Variants in ZMAT5 observed in about 807,000 individuals in gnomAD.
ZMAT5 encodes the protein zinc finger matrin-type 5.
In ZMAT5, 23 loss-of-function variants were observed where a neutral mutation model predicts 28.0. That is an observed-to-expected ratio of 0.82 (90% CI 0.59 to 1.16). The LOEUF is 1.16. Ranked by LOEUF, ZMAT5 falls within the 50% of genes most tolerant of loss-of-function variation. The probability of loss-of-function intolerance (pLI) is 0.00; values close to 1 mark genes in which losing one functional copy is unlikely to be tolerated. For synonymous variants in ZMAT5, 76 were observed against 84.1 expected (o/e 0.90, Z 0.52); for missense variants, 173 against 212.7 (o/e 0.81, Z 1.16).
At chr22:29,737,777 G>T (rs1436079410) in intron 5 of ZMAT5, among the ~76,000 whole-genome samples, 2 of 151,950 alleles carry the variant, frequency 1.3e-5, no homozygotes, top group Non-Finnish European at 2.9e-5. Context: ...GGGACATCAC[G>T]AAGCACACAC....
Position 29,743,170 on chromosome 22 carries a change from A to C in ZMAT5, c.128-690T>G, listed in dbSNP as rs144333169. 2.1e-4 allele frequency among the ~76,000 whole-genome samples: 32 copies of C among 152,282 alleles called. No individual in the cohort carries two copies. In the East Asian group the frequency reaches 6.0e-3, roughly 28 times the overall value. On this transcript the variant is annotated intron_variant, in intron 2 of 5. Transcript: ENST00000344318. The stretch of plus-strand genomic sequence containing the variant: ...TATCTTTGCAACTTGCTGTGAATCT[A>C]TAATTATTTCAAAATAAAATGCTAA...
chr22:29,743,380 G>A (rs1016933698), intron 2 of ZMAT5, among the ~76,000 whole-genome samples: 7 of 151,954 alleles, frequency 4.6e-5, no homozygotes, highest in African/African-American at 9.7e-5. Context: ...CTGTAGCATC[G>A]GCAATCACTC....
intron 1 of ZMAT5, among the ~76,000 whole-genome samples, chr22:29,766,348 C>G (rs750933766): frequency 1.8e-4 from 28 of 152,166 alleles, no homozygotes; most frequent in Non-Finnish European, 3.8e-4. Flanking sequence ...AAGTGTCACC[C>G]CCCAGAGCAG....
intron 3 of ZMAT5, among the ~76,000 whole-genome samples, chr22:29,741,171 T>G (rs1881411071): frequency 6.6e-6 from 1 of 152,206 alleles, no homozygotes; most frequent in Non-Finnish European, 1.5e-5. Flanking sequence ...CGGGAGCAAT[T>G]GGACTGCTCC....
At position 29,731,376 on chromosome 22, in the gene ZMAT5, G is replaced by A. The variant is rs2232904; in HGVS notation, c.384-22C>T. On this transcript the variant is annotated intron_variant, in intron 5 of 5. Coordinates refer to ENST00000344318, the MANE Select transcript of ZMAT5 (RefSeq NM_001003692.2). ...AGCCCTAGAGAGAGAGAGAGAAGCG[G>A]GGAGAATAAGAGTGCACTACAGCCC... The A allele has an allele frequency of 3.4e-3, 5,204 of 1,542,694 alleles. 165 individuals are homozygous for A. In the African/African-American group the frequency reaches 0.068, roughly 20 times the overall value.
intron 2 of ZMAT5, among the ~76,000 whole-genome samples, chr22:29,743,613 G>A (rs1341256378): frequency 1.3e-5 from 2 of 151,892 alleles, no homozygotes; most frequent in Admixed American, 1.3e-4. Flanking sequence ...TAATTTTTTT[G>A]TAGAGATGGG....
At chr22:29,755,904 T>C (rs1265165096) in intron 1 of ZMAT5, among the ~76,000 whole-genome samples, 1 of 152,214 alleles carries the variant, frequency 6.6e-6, no homozygotes, top group African/African-American at 2.4e-5. Flanking sequence ...GCACGCACAC[T>C]TGGGTCTGGC....
At chr22:29,749,407 T>G (rs1680977710) in intron 1 of ZMAT5, among the ~76,000 whole-genome samples, 2 of 152,078 alleles carry the variant, frequency 1.3e-5, no homozygotes, top group South Asian at 4.1e-4. Context: ...TTGCATCATA[T>G]AGGCCACACC....
At chr22:29,756,168 A>T (rs2147234361) in intron 1 of ZMAT5, among the ~76,000 whole-genome samples, 1 of 152,266 alleles carries the variant, frequency 6.6e-6, no homozygotes, top group East Asian at 1.9e-4. Context: ...ATTTTTTCTA[A>T]TTATGGCACC....
chr22:29,757,927 G>A (rs959955639), intron 1 of ZMAT5, among the ~76,000 whole-genome samples: 1 of 151,946 alleles, frequency 6.6e-6, no homozygotes, highest in African/African-American at 2.4e-5. Context: ...TGAGGCAGGA[G>A]AATTGTTTGA....
intron 2 of ZMAT5, chr22:29,748,052 C>G (rs976238991): frequency 1.1e-5 from 4 of 353,208 alleles, no homozygotes; most frequent in Admixed American, 7.6e-5. Context: ...CCCTGGCCTG[C>G]TCCGCCCAGC....
At chr22:29,731,791 A>C (rs998801643) in intron 5 of ZMAT5, 1 of 153,750 alleles carries the variant, frequency 6.5e-6, no homozygotes, top group South Asian at 2.0e-4. Context: ...AAAATATATA[A>C]AATATATAAA....
chr22:29,735,215 G>A lies in ZMAT5; in HGVS notation c.383+3115C>T, dbSNP rs563170627. ...AGCCTGCCCGGAGACAGTTATGGACGCCCAAGGCAGCAATGGCAAAAGCAG... is the reference window on the plus strand; with the variant it reads ...AGCCTGCCCGGAGACAGTTATGGACACCCAAGGCAGCAATGGCAAAAGCAG... On this transcript the variant is annotated intron_variant, in intron 5 of 5. Transcript: ENST00000344318. Among the ~76,000 whole-genome samples, 11 of 152,288 alleles carry A rather than the reference G, an allele frequency of 7.2e-5. No homozygotes were observed. In the South Asian group the frequency reaches 2.1e-3, roughly 29 times the overall value.
intron 4 of ZMAT5, among the ~76,000 whole-genome samples, chr22:29,739,200 G>T (rs1213698664): frequency 6.6e-6 from 1 of 152,210 alleles, no homozygotes; most frequent in Non-Finnish European, 1.5e-5. Context: ...AACAAAACCT[G>T]TTGCTCAACG....
At chr22:29,731,763 T>A (rs1307219257) in intron 5 of ZMAT5, 1 of 157,160 alleles carries the variant, frequency 6.4e-6, no homozygotes, top group East Asian at 1.9e-4. Context: ...GTATATAGCA[T>A]GATACTATTT....
chr22:29,766,667 C>T (rs1233413454), intron 1 of ZMAT5, among the ~76,000 whole-genome samples: 7 of 152,252 alleles, frequency 4.6e-5, no homozygotes, highest in African/African-American at 1.7e-4. Context: ...CAGGGCAGAT[C>T]CGTCCCTGCC....
rs2068000014 is a variant in ZMAT5 at position 29,745,339 on chromosome 22, G to A, written c.128-2859C>T. Reference sequence around the variant, plus strand: ...TATGCCCAGCAGATGCAGTGGCCAGGGTGGCTGCAGCTGGAAGGGAGAGGC... The same window carrying A: ...TATGCCCAGCAGATGCAGTGGCCAGAGTGGCTGCAGCTGGAAGGGAGAGGC... On this transcript the variant is annotated intron_variant, in intron 2 of 5. Transcript: ENST00000344318. Among the ~76,000 whole-genome samples, 2 of 152,198 alleles carry A rather than the reference G, an allele frequency of 1.3e-5. 1 individual carries two copies. The highest frequency in any genetic ancestry group is 4.1e-4 in the South Asian group (2 of 4,834).
chr22:29,763,385 CGAGGT>C, intron 1 of ZMAT5, among the ~76,000 whole-genome samples: 1 of 150,720 alleles, frequency 6.6e-6, no homozygotes, highest in Non-Finnish European at 1.5e-5. Flanking sequence ...GGGTGGATCA[CGAGGT>C]CAGAGATTCA....
At chr22:29,739,210 G>A (rs1262359568) in intron 4 of ZMAT5, among the ~76,000 whole-genome samples, 1 of 151,482 alleles carries the variant, frequency 6.6e-6, no homozygotes, top group Non-Finnish European at 1.5e-5. Flanking sequence ...GTTGCTCAAC[G>A]AATTAAAACC....
Sources: allele counts gnomAD v4.1 joint callset (sites outside exome capture counted in the v4.1 genomes callset), GRCh38; gene constraint gnomAD v4.1.1; transcripts MANE v1.5; gene names NCBI Gene and HGNC (gene_info 2026-07-23, HGNC 2026-07-21).